LRRC4C: variants seen among roughly 807,000 people sequenced by gnomAD.
LRRC4C encodes leucine rich repeat containing 4C.
Under a neutral mutation model 33.6 loss-of-function variants are expected in LRRC4C, and 5 were observed. That is an observed-to-expected ratio of 0.15 (90% CI 0.08 to 0.31). The LOEUF is 0.31. Ranked by LOEUF, LRRC4C falls within the 10% of genes least tolerant of loss-of-function variation. The probability of loss-of-function intolerance (pLI) is 1.00; values close to 1 mark genes in which losing one functional copy is unlikely to be tolerated. For missense variants in LRRC4C, 560 were observed against 796.7 expected (o/e 0.70, Z 3.58); for synonymous variants, 329 against 302.0 (o/e 1.09, Z -0.93).
chr11:40,860,962 C>T (rs1267977987), intron 2 of LRRC4C, among the ~76,000 whole-genome samples: 3 of 151,834 alleles, frequency 2.0e-5, no homozygotes, highest in Admixed American at 6.6e-5. Context: ...CTGAACTGTT[C>T]ATTTAAAATG....
intron 1 of LRRC4C, among the ~76,000 whole-genome samples, chr11:41,420,783 C>T (rs1435153881): frequency 2.0e-5 from 3 of 151,956 alleles, no homozygotes; most frequent in South Asian, 4.1e-4. Context: ...TTAATAATTA[C>T]ACCTGCTGTC....
intron 1 of LRRC4C, among the ~76,000 whole-genome samples, chr11:40,949,619 C>A (rs1279407409): frequency 6.6e-6 from 1 of 152,006 alleles, no homozygotes; most frequent in Non-Finnish European, 1.5e-5. Context: ...CCAAACTAAG[C>A]TTCATAACTG....
rs571315664 is a variant in LRRC4C, at chr11:41,145,100, A to G, written c.-495-211377T>C. ...GCATACGTAATACATTGAGCAAAGC[A>G]TATAATCACAGCAAGACCTCAATAC... On this transcript the variant is annotated intron_variant, in intron 1 of 6. Transcript: ENST00000528697. Among the ~76,000 whole-genome samples, 12 of 152,326 alleles carry G rather than the reference A, an allele frequency of 7.9e-5. No individual in the cohort carries two copies. In the East Asian group the frequency reaches 1.2e-3, roughly 15 times the overall value.
rs571577546 is a variant in LRRC4C at position 41,308,808 on chromosome 11, T to A, written c.-496+150623A>T. Among the ~76,000 whole-genome samples the A allele has an allele frequency of 1.9e-4, 29 of 151,760 alleles. No homozygotes were observed. In the East Asian group the frequency reaches 5.4e-3, roughly 28 times the overall value. On this transcript the variant is annotated intron_variant, in intron 1 of 6. Coordinates refer to ENST00000528697, the MANE Select transcript of LRRC4C (RefSeq NM_001258419.2). The stretch of plus-strand genomic sequence containing the variant: ...CCTGCAGATACAACGTCTCTTTTTT[T>A]CTTTTTTTTTTTTTAGACAGAGTTT...
At chr11:40,716,576 G>A (rs1449400356) in intron 2 of LRRC4C, among the ~76,000 whole-genome samples, 5 of 152,050 alleles carry the variant, frequency 3.3e-5, no homozygotes, top group African/African-American at 9.7e-5. Context: ...CAGTACTTAC[G>A]ACATTGCTCC....
rs376130653 is a variant in LRRC4C at position 41,424,500 on chromosome 11, TA to T, written c.-496+34930del. Among the ~76,000 whole-genome samples, 836 of 152,124 alleles carry T rather than the reference TA, an allele frequency of 5.5e-3. 10 individuals are homozygous for T. Among genetic ancestry groups the T allele is most frequent in the African/African-American group, 0.018 (767 of 41,508 alleles). ...ATTTAAAATAAGGTAAAAATCAGTT[TA>T]AAATAAGGTAAAAAATCAGCCAACT... On this transcript the variant is annotated intron_variant, in intron 1 of 6. Transcript: ENST00000528697.
intron 1 of LRRC4C, among the ~76,000 whole-genome samples, chr11:41,281,078 C>CTCTCTCTCTCCT (rs1491428513): frequency 4.8e-5 from 4 of 83,118 alleles, no homozygotes; most frequent in Admixed American, 1.6e-4. Context: ...CTCTCTCTGT[C>CTCTCTCTCTCCT]CTCTCTCTCT....
chr11:40,295,616 A>G (rs1438271119), intron 4 of LRRC4C, among the ~76,000 whole-genome samples: 1 of 152,158 alleles, frequency 6.6e-6, no homozygotes, highest in Non-Finnish European at 1.5e-5. Flanking sequence ...AAAAAATTTC[A>G]TCTGTAATGT....
At chr11:40,699,086 C>T (rs772463755) in intron 2 of LRRC4C, among the ~76,000 whole-genome samples, 2 of 152,184 alleles carry the variant, frequency 1.3e-5, no homozygotes, top group Non-Finnish European at 2.9e-5. Flanking sequence ...ACATACATAA[C>T]TCTGCAGACG....
chr11:40,667,970 G>A (rs1352231492), intron 2 of LRRC4C, among the ~76,000 whole-genome samples: 22 of 152,160 alleles, frequency 1.4e-4, no homozygotes, highest in Non-Finnish European at 2.9e-5. Flanking sequence ...CTTCATCTGT[G>A]AAAACTTTGG....
intron 3 of LRRC4C, among the ~76,000 whole-genome samples, chr11:40,365,457 T>C (rs1948165604): frequency 6.6e-6 from 1 of 152,080 alleles, no homozygotes; most frequent in Admixed American, 6.6e-5. Context: ...TTGGCCTTTA[T>C]TAAGTTCTGC....
At chr11:41,199,938 G>A (rs558670209) in intron 1 of LRRC4C, among the ~76,000 whole-genome samples, 1 of 152,134 alleles carries the variant, frequency 6.6e-6, no homozygotes, top group Admixed American at 6.6e-5. Context: ...ACATGAATAA[G>A]CCAACCTCTG....
chr11:40,995,806 G>T (rs907162690), intron 1 of LRRC4C, among the ~76,000 whole-genome samples: 1 of 152,094 alleles, frequency 6.6e-6, no homozygotes, highest in Admixed American at 6.6e-5. Flanking sequence ...CAAACCATTG[G>T]TCTGCAAGGC....
chr11:40,430,233 GA>G (rs937686991), intron 3 of LRRC4C, among the ~76,000 whole-genome samples: 9 of 140,878 alleles, frequency 6.4e-5, no homozygotes, highest in African/African-American at 2.3e-4. Flanking sequence ...CACTGATAAG[GA>G]ATCTCAGAAG....
rs1374936902 is a variant in LRRC4C, at chr11:40,414,509, C to T, written c.-269-94788G>A. ...GAAAGGACTGAAATGCATTATAGGG[C>T]AGCAGTAACTGTAATGGTTGGTTTG... is the stretch of plus-strand genomic sequence containing the variant. On this transcript the variant is annotated intron_variant, in intron 3 of 6. Transcript: ENST00000528697. 2.0e-5 allele frequency among the ~76,000 whole-genome samples: 3 copies of T among 151,990 alleles called. No homozygotes were observed. The East Asian group carries it at 5.8e-4, about 29-fold the overall frequency.
intron 1 of LRRC4C, among the ~76,000 whole-genome samples, chr11:41,100,539 G>A (rs917841012): frequency 6.6e-6 from 1 of 151,936 alleles, no homozygotes; most frequent in Non-Finnish European, 1.5e-5. Context: ...TTGCATTCCA[G>A]CCTGGGCAAC....
chr11:41,425,569 G>A (rs1955011451), intron 1 of LRRC4C, among the ~76,000 whole-genome samples: 1 of 151,990 alleles, frequency 6.6e-6, no homozygotes, highest in South Asian at 2.1e-4. Context: ...GGCCCATAAG[G>A]CATTTTACAC....
At chr11:41,202,708 G>A (rs1307185845) in intron 1 of LRRC4C, among the ~76,000 whole-genome samples, 1 of 151,742 alleles carries the variant, frequency 6.6e-6, no homozygotes, top group African/African-American at 2.4e-5. Flanking sequence ...GAAGTGCCAA[G>A]TTCATGCTAT....
intron 4 of LRRC4C, among the ~76,000 whole-genome samples, chr11:40,299,121 T>A (rs975585500): frequency 1.3e-5 from 2 of 152,202 alleles, no homozygotes; most frequent in Non-Finnish European, 2.9e-5. Flanking sequence ...CAAAGGTCCT[T>A]AGTGATTACT....
Sources: allele counts gnomAD v4.1 joint callset (sites outside exome capture counted in the v4.1 genomes callset), GRCh38; gene constraint gnomAD v4.1.1; transcripts MANE v1.5; gene names NCBI Gene and HGNC (gene_info 2026-07-23, HGNC 2026-07-21).